IFT122: variants seen among roughly 807,000 people sequenced by gnomAD.
IFT122 encodes the protein intraflagellar transport protein 122 homolog.
In IFT122, 118 loss-of-function variants were observed where a neutral mutation model predicts 161.6. That is an observed-to-expected ratio of 0.73 (90% CI 0.63 to 0.85). The LOEUF is 0.85. Ranked by LOEUF, IFT122 falls within the 40% of genes least tolerant of loss-of-function variation. IFT122 has a pLI of 0.00. For missense variants in IFT122, 1,381 were observed against 1,579.6 expected, an observed-to-expected ratio of 0.87 and a Z score of 2.13; for synonymous variants, 550 against 602.4, an observed-to-expected ratio of 0.91 and a Z score of 1.27.
Position 129,464,796 on chromosome 3 carries a change from G to A in IFT122, c.563+15G>A, listed in dbSNP as rs2108119380. 1 of 1,613,966 alleles carries A rather than the reference G, an allele frequency of 6.2e-7. No individual in the cohort carries two copies. Among genetic ancestry groups the A allele is most frequent in the South Asian group, 1.1e-5 (1 of 91,076 alleles). ...AACCCTTCAAGGTACTCTTAAAGTT[G>A]TCCTCCTTCTAGAACAAACACCATC... On this transcript the variant is annotated intron_variant, in intron 7 of 29. Transcript: ENST00000348417.
intron 13 of IFT122, among the ~76,000 whole-genome samples, chr3:129,481,109 A>G (rs1014440581): frequency 5.3e-5 from 8 of 152,232 alleles, no homozygotes; most frequent in African/African-American, 9.7e-5. Context: ...AATGATAGCT[A>G]TCATGATCAC....
chr3:129,520,324 A>AG lies in IFT122; in HGVS notation c.*61dup, dbSNP rs2084603010. On this transcript the variant is annotated 3_prime_UTR_variant, in exon 30 of 30. Coordinates refer to ENST00000348417, the MANE Select transcript of IFT122 (RefSeq NM_052989.3). ...CGCCTTGGGGTCTGCTGGGCTGTGAAGGAGAATAAAGAGTTAAACTGTCAG... is the reference window on the plus strand; with the variant it reads ...CGCCTTGGGGTCTGCTGGGCTGTGAAGGGAGAATAAAGAGTTAAACTGTCAG... 1 of 1,274,958 alleles carries AG rather than the reference A, an allele frequency of 7.8e-7. No homozygotes were observed. Among genetic ancestry groups the AG allele is most frequent in the African/African-American group, 1.5e-5 (1 of 68,724 alleles). 79.0% of individuals were successfully genotyped at this position (1,274,958 alleles called of 1,614,324 possible).
In IFT122 at chr3:129,519,132, G is replaced by A. The variant is rs778024080; in HGVS notation, c.3417G>A (p.Glu1139=). 5.0e-6 allele frequency: 8 copies of A among 1,613,982 alleles called. No individual in the cohort carries two copies. The Admixed American group carries it at 8.3e-5, about 17-fold the overall frequency. ...NNSSQILRLV[E]TKDSIGDEDP... ...GCTCCCAGATTCTGCGGCTAGTGGAGACCAAGGACTCCATCGGAGATGAGG... is the reference window on the plus strand; with the variant it reads ...GCTCCCAGATTCTGCGGCTAGTGGAAACCAAGGACTCCATCGGAGATGAGG... The change falls in exon 28 of 30, where the codon GAG becomes GAA. Residue 1139 remains glutamate (E), a synonymous_variant. Transcript: ENST00000348417.
rs756462117 is a variant in IFT122 at position 129,504,331 on chromosome 3, G to A, written c.2560G>A (p.Gly854Ser). ...TQRWDEAFAL[G>S]EKHPEFKDDI... ...CTCCTTCCCCCAGGCCTTTGCTTTGGGTGAGAAGCATCCTGAGTTTAAGGA... is the reference window on the plus strand; with the variant it reads ...CTCCTTCCCCCAGGCCTTTGCTTTGAGTGAGAAGCATCCTGAGTTTAAGGA... Residue 854 changes from glycine (G) to serine (S), a missense_variant, in exon 21 of 30, where the codon GGT (glycine) becomes AGT (serine). Physicochemically the swap from Gly to Ser is moderately conservative, Grantham distance 56. Coordinates refer to ENST00000348417, the MANE Select transcript of IFT122 (RefSeq NM_052989.3). 1 of 1,613,812 alleles carries A rather than the reference G, an allele frequency of 6.2e-7. No individual in the cohort carries two copies. The highest frequency in any genetic ancestry group is 1.7e-5 in the Admixed American group (1 of 60,018).
chr3:129,460,875 A>T, intron 4 of IFT122: 1 of 1,614,046 alleles, frequency 6.2e-7, no homozygotes, highest in Non-Finnish European at 8.5e-7. Context: ...TGATGTCTTC[A>T]TTGCACCTCC....
chr3:129,472,717 G>A (rs1437606701), intron 9 of IFT122, among the ~76,000 whole-genome samples: 1 of 148,924 alleles, frequency 6.7e-6, no homozygotes, highest in East Asian at 2.4e-4. Flanking sequence ...ACTTACATTA[G>A]ACCTTTTGTT....
chr3:129,518,618 T>C (rs2084317682), intron 27 of IFT122, among the ~76,000 whole-genome samples: 1 of 152,058 alleles, frequency 6.6e-6, no homozygotes, highest in South Asian at 2.1e-4. Context: ...GTACCAGCAG[T>C]CCCCATGTCC....
chr3:129,473,652 T>C (rs2077596502), intron 9 of IFT122, among the ~76,000 whole-genome samples: 1 of 152,248 alleles, frequency 6.6e-6, no homozygotes, highest in Non-Finnish European at 1.5e-5. Flanking sequence ...TTTCCAGATA[T>C]TCAGTGGAGT....
At chr3:129,517,343 G>A (rs938298550) in intron 26 of IFT122, 126 bp from the exon 27 acceptor site, 2 of 1,200,816 alleles carry the variant, frequency 1.7e-6, no homozygotes, top group Admixed American at 2.0e-5. Context: ...TGCCCCTGCT[G>A]CCTCTTCTTG....
intron 5 of IFT122, 142 bp downstream of exon 5, chr3:129,461,446 C>T (rs761639294): frequency 8.2e-5 from 59 of 719,442 alleles, no homozygotes; most frequent in Non-Finnish European, 1.3e-4. Context: ...GGGAGGCTGA[C>T]AGTTATTCTT....
At chr3:129,498,087 T>G (rs1559966851) in intron 18 of IFT122, among the ~76,000 whole-genome samples, 1 of 152,234 alleles carries the variant, frequency 6.6e-6, no homozygotes, top group Non-Finnish European at 1.5e-5. Context: ...GTCTTTGCCA[T>G]GGCCCCAGAT....
intron 24 of IFT122, 135 bp downstream of exon 24, chr3:129,512,547 C>G: frequency 1.3e-6 from 1 of 759,208 alleles, no homozygotes; most frequent in Non-Finnish European, 2.4e-6. Flanking sequence ...AACTCACCCT[C>G]CCGCTGCTGT....
At chr3:129,466,859 G>T in intron 7 of IFT122, 31 bp from the exon 8 acceptor site, 1 of 1,600,406 alleles carries the variant, frequency 6.2e-7, no homozygotes, top group South Asian at 1.1e-5. Flanking sequence ...TCTAGGCAAT[G>T]TAATTTTGAA....
chr3:129,471,363 T>C (rs1036726561), intron 9 of IFT122, among the ~76,000 whole-genome samples: 1 of 152,244 alleles, frequency 6.6e-6, no homozygotes, highest in African/African-American at 2.4e-5. Flanking sequence ...TCATTTTAAT[T>C]AACTATCATC....
chr3:129,501,768 G>A (rs1366104602), intron 19 of IFT122, among the ~76,000 whole-genome samples: 1 of 152,202 alleles, frequency 6.6e-6, no homozygotes, highest in Non-Finnish European at 1.5e-5. Flanking sequence ...TTCTAAGGCT[G>A]TAAGGGCTGT....
intron 15 of IFT122, among the ~76,000 whole-genome samples, chr3:129,486,239 C>T (rs2079262890): frequency 6.6e-6 from 1 of 152,202 alleles, no homozygotes; most frequent in African/African-American, 2.4e-5. Flanking sequence ...GGGCAGTCAG[C>T]ATGGCAAGCA....
chr3:129,516,956 C>T (rs1429614758), intron 26 of IFT122, among the ~76,000 whole-genome samples: 1 of 138,552 alleles, frequency 7.2e-6, no homozygotes, highest in East Asian at 2.3e-4. Flanking sequence ...CACACAGAGA[C>T]TGCCCCTACA....
intron 22 of IFT122, among the ~76,000 whole-genome samples, chr3:129,507,434 C>T (rs1041402877): frequency 6.6e-6 from 1 of 152,244 alleles, no homozygotes; most frequent in South Asian, 2.1e-4. Context: ...TATCCTCAAA[C>T]TCCCTGGCCT....
intron 17 of IFT122, among the ~76,000 whole-genome samples, chr3:129,495,035 C>G (rs2080675051): frequency 6.6e-6 from 1 of 152,166 alleles, no homozygotes; most frequent in Admixed American, 6.5e-5. Flanking sequence ...GGCAGAAACC[C>G]TAAACATTCT....
Sources: gnomAD v4.1 joint callset for allele counts (sites outside exome capture counted in the v4.1 genomes callset) on GRCh38, gnomAD v4.1.1 for gene constraint, MANE v1.5 for transcripts, NCBI Gene and HGNC (gene_info 2026-07-23, HGNC 2026-07-21) for gene names.